Variants in AKAP13 observed in about 807,000 individuals in gnomAD.
AKAP13 encodes the protein A-kinase anchoring protein 13.
A neutral mutation model predicts 264.5 loss-of-function variants in AKAP13; 80 were observed. That is an observed-to-expected ratio of 0.30 (90% CI 0.25 to 0.36). The LOEUF is 0.36. Ranked by LOEUF, AKAP13 falls within the 10% of genes least tolerant of loss-of-function variation. AKAP13 has a pLI of 1.00. For missense variants in AKAP13, 3,712 were observed against 3,435.2 expected (o/e 1.08, Z -2.01); for synonymous variants, 1,380 against 1,250.2 (o/e 1.10, Z -2.19).
intron 8 of AKAP13, chr15:85,620,215 T>C (rs1175566495): frequency 1.6e-5 from 24 of 1,528,054 alleles, no homozygotes; most frequent in Non-Finnish European, 2.1e-5. Flanking sequence ...CTCTGCAGGC[T>C]GTTTTAGCGC....
intron 18 of AKAP13, among the ~76,000 whole-genome samples, chr15:85,709,600 G>T (rs1489791712): frequency 1.3e-5 from 2 of 152,148 alleles, no homozygotes; most frequent in African/African-American, 4.8e-5. Context: ...AGTTTATACA[G>T]AATGATCATG....
rs530411555 is a variant in AKAP13, at chr15:85,485,596, C to T, written c.-11-114C>T. 2.4e-4 allele frequency: 199 copies of T among 830,296 alleles called. No homozygotes were observed. The African/African-American group carries it at 3.1e-3, about 13-fold the overall frequency. 51.4% of individuals were successfully genotyped at this position (830,296 alleles called of 1,614,324 possible). A position where few individuals can be genotyped will look rare whatever the true frequency, so the allele number is the denominator to read the frequency against. On this transcript the variant is annotated intron_variant, in intron 1 of 36. Coordinates refer to ENST00000394518, the MANE Select transcript of AKAP13 (RefSeq NM_007200.5). ...CATACAGCTGGGCATATGGTAATCT[C>T]GGGCACGGGATTGTACTCACAGAGC...
At chr15:85,614,257 A>G (rs1296681633) in intron 8 of AKAP13, among the ~76,000 whole-genome samples, 1 of 152,216 alleles carries the variant, frequency 6.6e-6, no homozygotes, top group Non-Finnish European at 1.5e-5. Flanking sequence ...GTGGTGAAGC[A>G]CGACGGCCAT....
At chr15:85,490,029 C>T (rs1446513478) in intron 2 of AKAP13, among the ~76,000 whole-genome samples, 1 of 152,164 alleles carries the variant, frequency 6.6e-6, no homozygotes, top group African/African-American at 2.4e-5. Flanking sequence ...GGGTTTTTCT[C>T]ACAGTCGCCA....
At chr15:85,442,142 TG>T (rs2150957266) in intron 1 of AKAP13, among the ~76,000 whole-genome samples, 1 of 152,062 alleles carries the variant, frequency 6.6e-6, no homozygotes, top group South Asian at 2.1e-4. Flanking sequence ...CTGGGCGCGG[TG>T]GCTCATGCCT....
intron 1 of AKAP13, among the ~76,000 whole-genome samples, chr15:85,422,657 A>AT (rs779247946): frequency 2.0e-4 from 31 of 152,204 alleles, no homozygotes; most frequent in Non-Finnish European, 4.4e-4. Flanking sequence ...CCTGCATATG[A>AT]TTTTAAATTA....
chr15:85,458,393 G>GTTTTTTTTTTTTTTTT (rs4037636), intron 1 of AKAP13, among the ~76,000 whole-genome samples: 19 of 120,616 alleles, frequency 1.6e-4, no homozygotes, highest in African/African-American at 2.3e-4. Context: ...TTTGTTTTTT[G>GTTTTTTTTTTTTTTTT]TTTTTTTTTT....
At chr15:85,711,283 C>G (rs1362628364) in intron 19 of AKAP13, among the ~76,000 whole-genome samples, 1 of 152,090 alleles carries the variant, frequency 6.6e-6, no homozygotes, top group Non-Finnish European at 1.5e-5. Context: ...CACACTCTTC[C>G]ATTCACATCA....
At chr15:85,463,600 T>G (rs953858156) in intron 1 of AKAP13, among the ~76,000 whole-genome samples, 6 of 152,234 alleles carry the variant, frequency 3.9e-5, no homozygotes, top group African/African-American at 1.4e-4. Context: ...TAGTGAACAC[T>G]GGATCTTTTT....
Position 85,554,376 on chromosome 15 carries a change from G to A in AKAP13, c.662+10421G>A, listed in dbSNP as rs181294650. 3.2e-4 allele frequency among the ~76,000 whole-genome samples: 48 copies of A among 152,296 alleles called. No individual in the cohort carries two copies. The East Asian group carries it at 9.3e-3, about 29-fold the overall frequency. On this transcript the variant is annotated intron_variant, in intron 5 of 36. Coordinates refer to ENST00000394518, the MANE Select transcript of AKAP13 (RefSeq NM_007200.5). ...ACAATTCATTGGAAATATTTCAGGT[G>A]CGTATGAATATGATATCTCTTTTAA...
At chr15:85,505,501 G>T (rs1330899740) in intron 2 of AKAP13, among the ~76,000 whole-genome samples, 1 of 152,158 alleles carries the variant, frequency 6.6e-6, no homozygotes, top group Non-Finnish European at 1.5e-5. Context: ...GGATTTCATT[G>T]GCCAGTATCT....
intron 1 of AKAP13, among the ~76,000 whole-genome samples, chr15:85,460,912 G>A (rs1157145981): frequency 1.3e-5 from 2 of 151,638 alleles, no homozygotes; most frequent in Admixed American, 1.3e-4. Context: ...CTGTGAGATC[G>A]ATCTCAGATT....
At chr15:85,476,487 CAAG>C (rs2075167845) in intron 1 of AKAP13, among the ~76,000 whole-genome samples, 1 of 152,176 alleles carries the variant, frequency 6.6e-6, no homozygotes, top group Non-Finnish European at 1.5e-5. Flanking sequence ...TCATAACAGG[CAAG>C]AAGAATAGGA....
At chr15:85,524,660 A>G (rs553407791) in intron 3 of AKAP13, among the ~76,000 whole-genome samples, 1 of 152,278 alleles carries the variant, frequency 6.6e-6, no homozygotes, top group South Asian at 2.1e-4. Context: ...ACCTTTTATC[A>G]AATCAATATT....
chr15:85,677,751 C>T (rs1226885398), intron 14 of AKAP13, among the ~76,000 whole-genome samples: 1 of 151,610 alleles, frequency 6.6e-6, no homozygotes, highest in Non-Finnish European at 1.5e-5. Flanking sequence ...TCTTCTGCCT[C>T]AGCCTCCCGG....
At chr15:85,556,168 A>T (rs2078137357) in intron 5 of AKAP13, among the ~76,000 whole-genome samples, 1 of 152,230 alleles carries the variant, frequency 6.6e-6, no homozygotes, top group African/African-American at 2.4e-5. Context: ...CACACATGCA[A>T]CATGGAAATA....
At chr15:85,721,402 T>G (rs1190022074) in intron 23 of AKAP13, among the ~76,000 whole-genome samples, 1 of 152,200 alleles carries the variant, frequency 6.6e-6, no homozygotes, top group African/African-American at 2.4e-5. Context: ...AATCAATAAT[T>G]AGCATGTATT....
At chr15:85,504,089 C>T (rs1398191844) in intron 2 of AKAP13, among the ~76,000 whole-genome samples, 2 of 151,910 alleles carry the variant, frequency 1.3e-5, no homozygotes, top group Admixed American at 6.6e-5. Context: ...GCCTGGAGTC[C>T]CAACTTAATT....
intron 17 of AKAP13, among the ~76,000 whole-genome samples, chr15:85,703,398 G>A (rs1214249152): frequency 6.6e-6 from 1 of 152,188 alleles, no homozygotes; most frequent in African/African-American, 2.4e-5. Flanking sequence ...GGCTACTTCA[G>A]CTGAGATGAT....
Sources: gnomAD v4.1 joint callset for allele counts (sites outside exome capture counted in the v4.1 genomes callset) on GRCh38, gnomAD v4.1.1 for gene constraint, MANE v1.5 for transcripts, NCBI Gene and HGNC (gene_info 2026-07-23, HGNC 2026-07-21) for gene names.